TRAPPC9: variants seen among roughly 807,000 people sequenced by gnomAD.
TRAPPC9 encodes the protein trafficking protein particle complex subunit 9.
A neutral mutation model predicts 124.0 loss-of-function variants in TRAPPC9; 83 were observed. That is an observed-to-expected ratio of 0.67 (90% CI 0.56 to 0.80). The LOEUF is 0.80. Ranked by LOEUF, TRAPPC9 falls within the 30% of genes least tolerant of loss-of-function variation. The pLI is 0.00. For missense variants in TRAPPC9, 1,302 were observed against 1,508.3 expected, an observed-to-expected ratio of 0.86 and a Z score of 2.27; for synonymous variants, 638 against 617.5, an observed-to-expected ratio of 1.03 and a Z score of -0.49.
intron 21 of TRAPPC9, among the ~76,000 whole-genome samples, chr8:139,836,018 A>T (rs898661): frequency 0.2 from 19,904 of 100,908 alleles, 1,917 homozygotes; most frequent in African/African-American, 0.5. Context: ...TTATTTATTT[A>T]TTTTTTTTGA....
At chr8:140,226,463 A>C (rs1025330094) in intron 16 of TRAPPC9, among the ~76,000 whole-genome samples, 2 of 151,876 alleles carry the variant, frequency 1.3e-5, no homozygotes, top group African/African-American at 4.8e-5. Flanking sequence ...GTGGTGGTGC[A>C]TGCCTATAGT....
chr8:140,234,421 A>G (rs2063682023), intron 16 of TRAPPC9, among the ~76,000 whole-genome samples: 1 of 152,232 alleles, frequency 6.6e-6, no homozygotes, highest in Admixed American at 6.5e-5. Flanking sequence ...TCCCTCCAGT[A>G]CAGAAAGTTC....
intron 15 of TRAPPC9, among the ~76,000 whole-genome samples, chr8:140,272,414 A>G (rs1156575256): frequency 9.3e-6 from 1 of 107,536 alleles, no homozygotes; most frequent in African/African-American, 2.9e-5. Flanking sequence ...GATAATGGTG[A>G]TGGTGATGGT....
intron 16 of TRAPPC9, among the ~76,000 whole-genome samples, chr8:140,231,602 C>G (rs2063599142): frequency 6.9e-6 from 1 of 145,924 alleles, no homozygotes; most frequent in African/African-American, 2.5e-5. Flanking sequence ...AAGCAATTCT[C>G]CTGCCTCAGC....
intron 19 of TRAPPC9, among the ~76,000 whole-genome samples, chr8:139,982,104 A>C (rs983266701): frequency 3.9e-5 from 6 of 152,156 alleles, no homozygotes; most frequent in African/African-American, 4.8e-5. Flanking sequence ...AGGCAAAAAA[A>C]CCCACAATTG....
chr8:140,265,763 A>G (rs1344922481), intron 15 of TRAPPC9, among the ~76,000 whole-genome samples: 2 of 152,204 alleles, frequency 1.3e-5, no homozygotes, highest in East Asian at 1.9e-4. Flanking sequence ...TACGTTGATA[A>G]TAACAGAGGA....
chr8:140,179,699 T>C (rs1159548262), intron 17 of TRAPPC9, among the ~76,000 whole-genome samples: 1 of 152,138 alleles, frequency 6.6e-6, no homozygotes, highest in Non-Finnish European at 1.5e-5. Flanking sequence ...ATTTGTCCAC[T>C]TCTCATTTCA....
At chr8:139,737,338 G>A (rs1231008069) in intron 21 of TRAPPC9, among the ~76,000 whole-genome samples, 1 of 152,126 alleles carries the variant, frequency 6.6e-6, no homozygotes, top group Non-Finnish European at 1.5e-5. Flanking sequence ...TTCTGTGACC[G>A]CAGCAGCCCG....
chr8:139,998,800 C>T (rs1450675922), intron 18 of TRAPPC9, among the ~76,000 whole-genome samples: 1 of 151,946 alleles, frequency 6.6e-6, no homozygotes, highest in Admixed American at 6.6e-5. Flanking sequence ...AAAATTATAA[C>T]ATTGGGTTTA....
At chr8:139,920,780 C>T (rs1832456420) in intron 19 of TRAPPC9, among the ~76,000 whole-genome samples, 1 of 152,242 alleles carries the variant, frequency 6.6e-6, no homozygotes, top group African/African-American at 2.4e-5. Flanking sequence ...GGACCAGCAG[C>T]ACCTGCAGAG....
intron 20 of TRAPPC9, among the ~76,000 whole-genome samples, chr8:139,906,292 A>G (rs1831360041): frequency 6.6e-6 from 1 of 152,138 alleles, no homozygotes; most frequent in Admixed American, 6.5e-5. Context: ...GTGCCCTGGG[A>G]CATGATCCTA....
At chr8:140,395,277 C>A (rs1423964255) in intron 7 of TRAPPC9, among the ~76,000 whole-genome samples, 1 of 152,132 alleles carries the variant, frequency 6.6e-6, no homozygotes, top group African/African-American at 2.4e-5. Context: ...TCTGGTCGCT[C>A]CCTTTGGTGT....
intron 21 of TRAPPC9, among the ~76,000 whole-genome samples, chr8:139,873,427 C>A (rs987058782): frequency 2.0e-5 from 3 of 152,202 alleles, no homozygotes; most frequent in African/African-American, 7.2e-5. Context: ...CCTTTCTCCC[C>A]AGCACCTTCC....
At chr8:140,091,170 G>A (rs906497634) in intron 17 of TRAPPC9, among the ~76,000 whole-genome samples, 15 of 152,076 alleles carry the variant, frequency 9.9e-5, no homozygotes, top group Non-Finnish European at 1.8e-4. Flanking sequence ...CCCACGACTC[G>A]GAGGTGGCAG....
chr8:139,774,544 A>G (rs992208303), intron 21 of TRAPPC9, among the ~76,000 whole-genome samples: 2 of 152,016 alleles, frequency 1.3e-5, no homozygotes, highest in Non-Finnish European at 2.9e-5. Context: ...CTTCCCGCTG[A>G]CCGCCAGCGA....
At chr8:140,008,367 C>A (rs1005275852) in intron 18 of TRAPPC9, 5 of 152,270 alleles carry the variant, frequency 3.3e-5, no homozygotes, top group African/African-American at 1.2e-4. Context: ...TGGGGAGCTT[C>A]TCAAAGCACA....
chr8:140,370,137 T>G (rs950011768), intron 8 of TRAPPC9, among the ~76,000 whole-genome samples: 16 of 152,006 alleles, frequency 1.1e-4, no homozygotes, highest in African/African-American at 3.1e-4. Context: ...TGTTTTTTTT[T>G]TTGTTTTTTT....
chr8:140,384,187 GT>G (rs1293533021), intron 7 of TRAPPC9, among the ~76,000 whole-genome samples: 3 of 152,122 alleles, frequency 2.0e-5, no homozygotes, highest in Non-Finnish European at 4.4e-5. Flanking sequence ...GGAACAACCA[GT>G]AACAGTCACT....
rs1173968211 is a variant in TRAPPC9 at position 140,300,478 on chromosome 8, T to C, written c.1759A>G (p.Lys587Glu). Residue 587 changes from lysine to glutamate, a missense_variant, in exon 11 of 23, where the codon AAG becomes GAG. Around this residue, in one of 3 missense-constraint regions of TRAPPC9, gnomAD observed 657 missense variants for 811.2 expected, o/e 0.81. Transcript: ENST00000438773. The part of the protein sequence containing the change: ...IAHNRGEERN[K>E]KIDFQWVQGD... ...AGGATCGACGTCCTACCTATTTTCT[T>C]GTTCCGCTCTTCTCCACGGTTGTGT... The C allele has an allele frequency of 1.2e-6, 2 of 1,614,212 alleles. No individual in the cohort carries two copies. Among genetic ancestry groups the C allele is most frequent in the Admixed American group, 3.3e-5 (2 of 60,024 alleles).
Sources: gnomAD v4.1 joint callset for allele counts (sites outside exome capture counted in the v4.1 genomes callset) on GRCh38, gnomAD v4.1.1 for gene constraint, gnomAD v4.1.1 regional missense constraint, MANE v1.5 for transcripts, NCBI Gene and HGNC (gene_info 2026-07-23, HGNC 2026-07-21) for gene names.